The following PABPC4L variants were observed in gnomAD, a reference collection of about 807,000 sequenced individuals.
The protein encoded by PABPC4L is poly(A) binding protein cytoplasmic 4 like, also known as polyadenylate-binding protein 4-like.
For missense variants in PABPC4L, 452 were observed against 451.4 expected (o/e 1.00, Z -0.01); for synonymous variants, 169 against 164.1 (o/e 1.03, Z -0.23).
chr4:134,147,455 T>C, the PABPC4L span, among the ~76,000 whole-genome samples: 4 of 152,122 alleles, frequency 2.6e-5, no homozygotes, highest in Non-Finnish European at 5.9e-5. Context: ...TAATATTTAT[T>C]TTTGAGGAGA....
At chr4:134,060,436 CATCCTTCTGCTTGA>C in the PABPC4L span, among the ~76,000 whole-genome samples, 1 of 151,494 alleles carries the variant, frequency 6.6e-6, no homozygotes, top group African/African-American at 2.4e-5. Flanking sequence ...GATCAGAACC[CATCCTTCTGCTTGA>C]GGAGAGGAAA....
the PABPC4L span, chr4:133,978,007 G>A: frequency 6.6e-6 from 1 of 152,174 alleles, no homozygotes; most frequent in Non-Finnish European, 1.5e-5. Flanking sequence ...GGCATGTGTA[G>A]TAATATAGTG....
At chr4:133,995,715 G>C in the PABPC4L span, among the ~76,000 whole-genome samples, 3 of 152,110 alleles carry the variant, frequency 2.0e-5, no homozygotes, top group African/African-American at 7.2e-5. Flanking sequence ...CACTGGCATA[G>C]GGACCCCTCC....
the PABPC4L span, among the ~76,000 whole-genome samples, chr4:134,076,439 A>T: frequency 6.6e-6 from 1 of 152,198 alleles, no homozygotes; most frequent in Non-Finnish European, 1.5e-5. Flanking sequence ...CAGCAGTAAC[A>T]GTGAAGATGG....
the PABPC4L span, among the ~76,000 whole-genome samples, chr4:133,989,514 T>C: frequency 6.6e-6 from 1 of 152,198 alleles, no homozygotes; most frequent in African/African-American, 2.4e-5. Context: ...CTGTACTTCA[T>C]TGTCCATATG....
At chr4:134,059,287 C>T in the PABPC4L span, among the ~76,000 whole-genome samples, 5 of 149,748 alleles carry the variant, frequency 3.3e-5, no homozygotes, top group East Asian at 2.0e-4. Flanking sequence ...CTTAAAGGTT[C>T]GTCGGAAAGT....
chr4:134,160,884 T>A, the PABPC4L span, among the ~76,000 whole-genome samples: 9 of 151,236 alleles, frequency 6.0e-5, no homozygotes, highest in Admixed American at 5.9e-4. Flanking sequence ...TAAAGTAAAA[T>A]TTAAAAGAAA....
chr4:134,192,124 C>T (rs558560334), downstream of PABPC4L, among the ~76,000 whole-genome samples: 2 of 152,034 alleles, frequency 1.3e-5, no homozygotes, highest in South Asian at 2.1e-4. Flanking sequence ...TCCAAATGTC[C>T]ATCAAGTGAT....
At chr4:133,999,984 TA>T in the PABPC4L span, among the ~76,000 whole-genome samples, 2 of 152,222 alleles carry the variant, frequency 1.3e-5, no homozygotes, top group Admixed American at 6.5e-5. Context: ...AAAATAAAAA[TA>T]TTTTTTTCAA....
the PABPC4L span, among the ~76,000 whole-genome samples, chr4:134,013,024 A>G: frequency 1.9e-4 from 29 of 152,214 alleles, no homozygotes; most frequent in South Asian, 5.6e-3. Context: ...CCCATGTTTC[A>G]GGGGTGTCAG....
the PABPC4L span, among the ~76,000 whole-genome samples, chr4:134,059,743 T>C: frequency 6.6e-6 from 1 of 151,414 alleles, no homozygotes; most frequent in Non-Finnish European, 1.5e-5. Context: ...AGAGAAAAGA[T>C]AGGAAAATAA....
the PABPC4L span, among the ~76,000 whole-genome samples, chr4:134,173,159 C>CAAA: frequency 0.029 from 2,221 of 76,984 alleles, 88 homozygotes; most frequent in Middle Eastern, 0.048. Context: ...GGAGATTCCT[C>CAAA]AAAAAAAAAA....
the PABPC4L span, among the ~76,000 whole-genome samples, chr4:134,005,831 G>T: frequency 6.6e-6 from 1 of 151,530 alleles, no homozygotes; most frequent in Non-Finnish European, 1.5e-5. Context: ...CATTTTACTC[G>T]CCATCTGAAA....
chr4:133,974,860 A>C, the PABPC4L span, among the ~76,000 whole-genome samples: 1 of 152,150 alleles, frequency 6.6e-6, no homozygotes, highest in African/African-American at 2.4e-5. Context: ...GTATTAGCAA[A>C]AATGTGGAGC....
At chr4:134,003,750 A>G in the PABPC4L span, among the ~76,000 whole-genome samples, 1 of 151,860 alleles carries the variant, frequency 6.6e-6, no homozygotes, top group East Asian at 1.9e-4. Context: ...GGCACACTTT[A>G]TTTCTCATGG....
the PABPC4L span, among the ~76,000 whole-genome samples, chr4:134,119,070 T>C: frequency 6.6e-6 from 1 of 151,782 alleles, no homozygotes; most frequent in Non-Finnish European, 1.5e-5. Flanking sequence ...TGACACTATG[T>C]TTTATGCTTG....
At chr4:133,961,615 C>T in the PABPC4L span, among the ~76,000 whole-genome samples, 1 of 152,170 alleles carries the variant, frequency 6.6e-6, no homozygotes, top group Admixed American at 6.5e-5. Flanking sequence ...TGGGTCCCCT[C>T]CCATTACATG....
chr4:134,037,824 T>C, the PABPC4L span, among the ~76,000 whole-genome samples: 19 of 152,144 alleles, frequency 1.2e-4, no homozygotes, highest in African/African-American at 4.3e-4. Context: ...TTCTTTCTCT[T>C]GCCTGATTGC....
the PABPC4L span, among the ~76,000 whole-genome samples, chr4:134,014,167 T>C: frequency 9.2e-5 from 14 of 152,290 alleles, no homozygotes; most frequent in African/African-American, 3.4e-4. Flanking sequence ...ATTCTCAATA[T>C]ACATTTTATT....
Sources: gnomAD v4.1 joint callset for allele counts (sites outside exome capture counted in the v4.1 genomes callset) on GRCh38, gnomAD v4.1.1 for gene constraint, MANE v1.5 for transcripts, NCBI Gene and HGNC (gene_info 2026-07-23, HGNC 2026-07-21) for gene names.